The following EML6 variants were observed in gnomAD, a reference collection of about 807,000 sequenced individuals.
The protein encoded by EML6 is echinoderm microtubule-associated protein-like 6.
EML6 carries 154 observed loss-of-function variants against 240.1 expected under a neutral mutation model. The observed-to-expected ratio is 0.64, with a 90% CI of 0.56 to 0.73. The LOEUF (loss-of-function observed/expected upper bound fraction) is 0.73. Ranked by LOEUF, EML6 falls within the 30% of genes least tolerant of loss-of-function variation. The pLI is 0.00. For missense variants in EML6, 2,964 were observed against 2,474.6 expected, an observed-to-expected ratio of 1.20 and a Z score of -4.20; for synonymous variants, 1,148 against 899.0, an observed-to-expected ratio of 1.28 and a Z score of -4.95.
chr2:54,877,926 T>C (rs542833187), intron 16 of EML6, among the ~76,000 whole-genome samples: 14 of 152,162 alleles, frequency 9.2e-5, no homozygotes, highest in South Asian at 2.1e-4. Flanking sequence ...CCATTTCCAG[T>C]TGGTTGGAGG....
rs1233694721 is a variant in EML6 at position 54,724,522 on chromosome 2, T to C, written c.-513-27T>C. The C allele has an allele frequency of 6.6e-6, 1 of 152,178 alleles. No individual in the cohort carries two copies. Among genetic ancestry groups the C allele is most frequent in the African/African-American group, 2.4e-5 (1 of 41,450 alleles). 9.4% of individuals were successfully genotyped at this position (152,178 alleles called of 1,614,324 possible). On this transcript the variant is annotated intron_variant, in intron 1 of 41. Coordinates refer to ENST00000356458, the MANE Select transcript of EML6 (RefSeq NM_001039753.4). This position sits in a 1 kb window ranked among gnomAD's most constrained non-coding sequence, Gnocchi z 5.2. ...CTTATGCGAAAAATCTGTTTCTTTC[T>C]TCCTCGCTCTCGCTTCCTGGATATA...
At chr2:54,940,286 T>C (rs866673260) in intron 28 of EML6, among the ~76,000 whole-genome samples, 22 of 152,266 alleles carry the variant, frequency 1.4e-4, no homozygotes, top group African/African-American at 4.8e-4. Context: ...GTTTATGAAC[T>C]GAAACAAAAA....
chr2:54,820,379 T>G lies in EML6; in HGVS notation c.457-15T>G. On this transcript the variant is annotated splice_polypyrimidine_tract_variant and intron_variant, in intron 4 of 41. Coordinates refer to ENST00000356458, the MANE Select transcript of EML6 (RefSeq NM_001039753.4). ...ACCAAATGATCAACATGGCAACTTTTAATGTTTTGAACAGATTTTTGATAT... is the reference window on the plus strand; with the variant it reads ...ACCAAATGATCAACATGGCAACTTTGAATGTTTTGAACAGATTTTTGATAT... 1 of 1,538,646 alleles carries G rather than the reference T, an allele frequency of 6.5e-7. No homozygotes were observed. The highest frequency in any genetic ancestry group is 8.8e-7 in the Non-Finnish European group (1 of 1,137,480).
chr2:54,793,676 A>T (rs887917489), intron 2 of EML6, among the ~76,000 whole-genome samples: 1 of 152,138 alleles, frequency 6.6e-6, no homozygotes, highest in South Asian at 2.1e-4. Flanking sequence ...ATGTCCCTGT[A>T]GGAAACATTG....
At chr2:54,932,596 A>G (rs373868386) in intron 28 of EML6, among the ~76,000 whole-genome samples, 11 of 152,184 alleles carry the variant, frequency 7.2e-5, no homozygotes, top group African/African-American at 2.7e-4. Flanking sequence ...TACAAACTTA[A>G]GATATTTAAT....
chr2:54,809,441 G>A (rs951379807), intron 2 of EML6, among the ~76,000 whole-genome samples: 3 of 152,106 alleles, frequency 2.0e-5, no homozygotes, highest in Admixed American at 6.5e-5. Context: ...GGGATTCAGG[G>A]GACAGGGTTC....
At position 54,852,432 on chromosome 2, in the gene EML6, TAATAA is replaced by T. The variant is rs1337222012; in HGVS notation, c.1445-1206_1445-1202del. On this transcript the variant is annotated intron_variant, in intron 10 of 41. Coordinates refer to ENST00000356458, the MANE Select transcript of EML6 (RefSeq NM_001039753.4). ...TTAAACACATGTTTATCATTTGCAA[TAATAA>T]AATACCATCCTGTTCAGGGGTGGCA... Among the ~76,000 whole-genome samples, 4 of 152,352 alleles carry T rather than the reference TAATAA, an allele frequency of 2.6e-5. No homozygotes were observed. The East Asian group carries it at 7.7e-4, about 29-fold the overall frequency.
rs187245595 is a variant in EML6 at position 54,827,622 on chromosome 2, A to G, written c.582A>G (p.Thr194=). 1.1e-5 allele frequency: 17 copies of G among 1,551,718 alleles called. No homozygotes were observed. Among genetic ancestry groups the G allele is most frequent in the Admixed American group, 7.8e-5 (4 of 51,006 alleles). The change falls in exon 6 of 42, where the codon ACA becomes ACG. Residue 194 remains threonine, a synonymous_variant. Coordinates refer to ENST00000356458, the MANE Select transcript of EML6 (RefSeq NM_001039753.4). Reference sequence around the variant, plus strand: ...CAAAAAGAGGGATATTTGGCAAAACAGGGGATCTTCAGACCATCCTTTGCC... The same window carrying G: ...CAAAAAGAGGGATATTTGGCAAAACGGGGGATCTTCAGACCATCCTTTGCC... ...LTAKRGIFGK[T]GDLQTILCLA...
intron 2 of EML6, chr2:54,748,249 G>A (rs900194042): frequency 6.6e-5 from 10 of 152,240 alleles, no homozygotes; most frequent in Middle Eastern, 3.4e-3. Context: ...CTTTTCATAC[G>A]AAAAGATTTG....
intron 35 of EML6, among the ~76,000 whole-genome samples, chr2:54,961,186 T>TGTTTTTTTTTTTTTTTTTTTTTTTTG (rs796179489): frequency 1.1e-5 from 1 of 93,166 alleles, no homozygotes; most frequent in Non-Finnish European, 2.1e-5. Flanking sequence ...AGGAAGTAGT[T>TGTTTTTTTTTTTTTTTTTTTTTTTTG]TTTTTTTTTT....
At chr2:54,820,501 C>A in intron 5 of EML6, 39 bp downstream of exon 5, 1 of 1,223,850 alleles carries the variant, frequency 8.2e-7, no homozygotes, top group Non-Finnish European at 1.2e-6. Flanking sequence ...ACCTTGAGTG[C>A]AAATAATTTT....
intron 11 of EML6, among the ~76,000 whole-genome samples, chr2:54,858,465 G>T (rs1386849967): frequency 6.6e-6 from 1 of 152,226 alleles, no homozygotes; most frequent in Non-Finnish European, 1.5e-5. Flanking sequence ...GAGTTGGGAA[G>T]AGCATACCCT....
chr2:54,915,558 C>G (rs976811384), intron 25 of EML6, among the ~76,000 whole-genome samples: 1 of 152,102 alleles, frequency 6.6e-6, no homozygotes, highest in African/African-American at 2.4e-5. Flanking sequence ...CCAAGGCCCC[C>G]AAGTCACAGG....
At position 54,725,124 on chromosome 2, in the gene EML6, T is replaced by C; in HGVS notation, c.63T>C (p.Gly21=). ...TGGAGTGGGTGTACGGGTACCGGGGTCACCAGTGCCGCAACAACCTGTACT... is the reference window on the plus strand; with the variant it reads ...TGGAGTGGGTGTACGGGTACCGGGGCCACCAGTGCCGCAACAACCTGTACT... ...LRLEWVYGYR[G]HQCRNNLYYT... Residue 21 remains glycine, a synonymous_variant, in exon 2 of 42, where the codon GGT becomes GGC. Coordinates refer to ENST00000356458, the MANE Select transcript of EML6 (RefSeq NM_001039753.4). This position sits in a 1 kb window ranked among gnomAD's most constrained non-coding sequence, Gnocchi z 4.3. 1 of 1,539,478 alleles carries C rather than the reference T, an allele frequency of 6.5e-7. No homozygotes were observed. The highest frequency in any genetic ancestry group is 8.8e-7 in the Non-Finnish European group (1 of 1,141,554).
chr2:54,847,432 C>T lies in EML6; in HGVS notation c.1050-54C>T, dbSNP rs973222112. The T allele has an allele frequency of 1.5e-5, 23 of 1,532,918 alleles. No homozygotes were observed. In the East Asian group the frequency reaches 2.7e-4, roughly 18 times the overall value. 95.0% of individuals were successfully genotyped at this position (1,532,918 alleles called of 1,614,324 possible). A position where few individuals can be genotyped will look rare whatever the true frequency, so the allele number is the denominator to read the frequency against. Reference sequence around the variant, plus strand: ...GCAGCCCTTCTTGCCTTGGGCTGGCCGATGACCATGGGAAGTTGGTTTTGT... The same window carrying T: ...GCAGCCCTTCTTGCCTTGGGCTGGCTGATGACCATGGGAAGTTGGTTTTGT... On this transcript the variant is annotated intron_variant, in intron 8 of 41. Transcript: ENST00000356458.
chr2:54,879,035 A>C (rs1671675346), intron 16 of EML6, among the ~76,000 whole-genome samples: 1 of 152,236 alleles, frequency 6.6e-6, no homozygotes, highest in African/African-American at 2.4e-5. Flanking sequence ...AGAATTTTTT[A>C]AGTTAAATTT....
At chr2:54,928,537 G>T in intron 27 of EML6, 23 bp downstream of exon 27, 1 of 1,545,196 alleles carries the variant, frequency 6.5e-7, no homozygotes. Context: ...CCTGCCACAT[G>T]CCTCCTGCGC....
At chr2:54,886,551 C>A (rs1558650902) in intron 17 of EML6, among the ~76,000 whole-genome samples, 1 of 152,154 alleles carries the variant, frequency 6.6e-6, no homozygotes, top group Non-Finnish European at 1.5e-5. Flanking sequence ...ACTTGGAAAA[C>A]ATTAGTGCCT....
rs1672710291 is a variant in EML6, at chr2:54,895,398, C to T, written c.2980C>T (p.Gln994Ter). ...DKSGPMTLLV[Q>*]GHMEGEVWGL... is the part of the protein sequence containing the mutation. ...GAGTGGCCCAATGACACTGCTTGTT[C>T]AGGTACTGTTTGTATGTATTCTAAA... The change falls in exon 21 of 42, where the codon CAG (glutamine) becomes TAG (stop). Residue 994 changes from glutamine (Q) to a stop codon, truncating the protein, a stop_gained and splice_region_variant. Transcript: ENST00000356458. LOFTEE classifies it high-confidence loss of function. The T allele has an allele frequency of 1.3e-6, 2 of 1,551,654 alleles. No homozygotes were observed. Among genetic ancestry groups the T allele is most frequent in the Non-Finnish European group, 1.7e-6 (2 of 1,146,880 alleles).
Sources: gnomAD v4.1 joint callset for allele counts (sites outside exome capture counted in the v4.1 genomes callset) on GRCh38, gnomAD v4.1.1 for gene constraint, Gnocchi (gnomAD v3.1) non-coding constraint, MANE v1.5 for transcripts, NCBI Gene and HGNC (gene_info 2026-07-23, HGNC 2026-07-21) for gene names.